Variants in ATP11B observed in about 807,000 individuals in gnomAD.
ATP11B encodes phospholipid-transporting ATPase IF.
A neutral mutation model predicts 157.8 loss-of-function variants in ATP11B; 81 were observed. The ratio of observed to expected loss-of-function variants is 0.51; its 90% CI spans 0.43 to 0.62. The LOEUF is 0.62. ATP11B is among the 20% of genes least tolerant of loss of function. The probability of loss-of-function intolerance (pLI) is 0.00; values close to 1 mark genes in which losing one functional copy is unlikely to be tolerated. For synonymous variants in ATP11B, 451 were observed against 469.4 expected (o/e 0.96, Z 0.51); for missense variants, 1,165 against 1,402.2 (o/e 0.83, Z 2.70).
At chr3:182,916,442 A>G in intron 29 of ATP11B, 1 of 985,330 alleles carries the variant, frequency 1.0e-6, no homozygotes, top group Non-Finnish European at 1.2e-6. Context: ...CAAAAATTTG[A>G]CTTACATTTT....
At chr3:182,848,455 C>T in intron 9 of ATP11B, 21 bp from the exon 10 acceptor site, 1 of 1,379,256 alleles carries the variant, frequency 7.3e-7, no homozygotes, top group East Asian at 2.5e-5. Context: ...TTTTAAGAGA[C>T]AATTTTGTTT....
chr3:182,892,550 T>C (rs2108573139), intron 25 of ATP11B, among the ~76,000 whole-genome samples: 1 of 152,296 alleles, frequency 6.6e-6, no homozygotes, highest in East Asian at 1.9e-4. Flanking sequence ...GTAGAACAAT[T>C]CAGGGAAAGT....
At position 182,867,382 on chromosome 3, in the gene ATP11B, T is replaced by C; in HGVS notation, c.1626T>C (p.Gly542=). Residue 542 remains glycine (G), a synonymous_variant, in exon 15 of 30, where the codon GGT becomes GGC. Transcript: ENST00000323116. ...KALVEAAARI[G]IVFIGNSEET... ...TTATCCTTTTGATGTCTAGGATTGG[T>C]ATTGTGTTTATTGGCAATTCTGAAG... 1.2e-6 allele frequency: 2 copies of C among 1,603,270 alleles called. No individual in the cohort carries two copies. The highest frequency in any genetic ancestry group is 1.7e-6 in the Non-Finnish European group (2 of 1,170,364).
intron 12 of ATP11B, among the ~76,000 whole-genome samples, chr3:182,864,239 G>A (rs1359391367): frequency 6.6e-6 from 1 of 151,992 alleles, no homozygotes; most frequent in African/African-American, 2.4e-5. Context: ...TTCCAATCAT[G>A]TTAACTTTTA....
At chr3:182,804,588 A>G (rs190610485) in intron 1 of ATP11B, among the ~76,000 whole-genome samples, 3 of 152,266 alleles carry the variant, frequency 2.0e-5, no homozygotes, top group Non-Finnish European at 4.4e-5. Context: ...TTACAGTTGC[A>G]TAGTAGTCTG....
chr3:182,873,708 C>A, intron 18 of ATP11B, 104 bp from the exon 19 acceptor site: 2 of 934,496 alleles, frequency 2.1e-6, no homozygotes, highest in African/African-American at 1.7e-5. Flanking sequence ...ATTCCTAGGT[C>A]AAGTCAAAGA....
At chr3:182,883,865 G>T (rs941050948) in intron 21 of ATP11B, among the ~76,000 whole-genome samples, 10 of 146,754 alleles carry the variant, frequency 6.8e-5, no homozygotes, top group Admixed American at 6.2e-4. Context: ...TGAGGCAGGA[G>T]AATGGCGTGA....
In ATP11B at chr3:182,859,469, C is replaced by G. The variant is rs915230703; in HGVS notation, c.1200+110C>G. 7 of 922,984 alleles carry G rather than the reference C, an allele frequency of 7.6e-6. No homozygotes were observed. The African/African-American group carries it at 1.2e-4, about 16-fold the overall frequency. 57.2% of individuals were successfully genotyped at this position (922,984 alleles called of 1,614,324 possible). A position where few individuals can be genotyped will look rare whatever the true frequency, so the allele number is the denominator to read the frequency against. Reference sequence around the variant, plus strand: ...TTATGATGCTTATACCAAAAACAACCCCCCTTTGCTCCACTCCTAGCTGTT... The same window carrying G: ...TTATGATGCTTATACCAAAAACAACGCCCCTTTGCTCCACTCCTAGCTGTT... On this transcript the variant is annotated intron_variant, in intron 12 of 29. Transcript: ENST00000323116.
intron 27 of ATP11B, among the ~76,000 whole-genome samples, 197 bp downstream of exon 27, chr3:182,897,603 T>A (rs1323278514): frequency 6.6e-6 from 1 of 152,036 alleles, no homozygotes; most frequent in African/African-American, 2.4e-5. Context: ...TAGATTTTTT[T>A]TATATAAGAT....
At chr3:182,822,424 G>A (rs965855732) in intron 2 of ATP11B, among the ~76,000 whole-genome samples, 25 of 152,150 alleles carry the variant, frequency 1.6e-4, no homozygotes, top group African/African-American at 5.1e-4. Flanking sequence ...AGCTTCATCC[G>A]TGTCCCTGCA....
At chr3:182,829,973 T>A (rs1294640538) in intron 4 of ATP11B, 1 of 984,008 alleles carries the variant, frequency 1.0e-6, no homozygotes, top group African/African-American at 1.7e-5. Flanking sequence ...TGTAGTTCCC[T>A]TGACAGAGCT....
chr3:182,912,190 A>T (rs1724840938), intron 28 of ATP11B, among the ~76,000 whole-genome samples: 1 of 152,134 alleles, frequency 6.6e-6, no homozygotes, highest in Admixed American at 6.5e-5. Flanking sequence ...AAACTGATGA[A>T]ATCCTGTTAC....
At chr3:182,863,247 A>T (rs1046303770) in intron 12 of ATP11B, among the ~76,000 whole-genome samples, 2 of 152,182 alleles carry the variant, frequency 1.3e-5, no homozygotes, top group African/African-American at 4.8e-5. Context: ...TTAATAATTT[A>T]TGTTAAATAT....
chr3:182,814,496 A>T (rs1716855608), intron 1 of ATP11B, among the ~76,000 whole-genome samples: 1 of 152,196 alleles, frequency 6.6e-6, no homozygotes, highest in Admixed American at 6.5e-5. Context: ...ACATCTAAGC[A>T]CATGCTGCCC....
chr3:182,916,875 G>C (rs771409405), intron 29 of ATP11B: 163 of 982,550 alleles, frequency 1.7e-4, no homozygotes, highest in Non-Finnish European at 1.9e-4. Flanking sequence ...AAAAGTTATA[G>C]TTAAAAGCAT....
intron 1 of ATP11B, among the ~76,000 whole-genome samples, chr3:182,800,496 G>C (rs1339959838): frequency 2.6e-5 from 4 of 152,118 alleles, no homozygotes; most frequent in Non-Finnish European, 5.9e-5. Flanking sequence ...CCAAAGTGCT[G>C]AGATTACAGG....
At chr3:182,869,413 CA>C (rs771879687) in intron 17 of ATP11B, 82 bp downstream of exon 17, 3 of 967,106 alleles carry the variant, frequency 3.1e-6, no homozygotes, top group Non-Finnish European at 4.5e-6. Flanking sequence ...TATAATTTAT[CA>C]AAAATTGTGG....
chr3:182,880,751 A>G (rs765230322), intron 20 of ATP11B, 128 bp from the exon 21 acceptor site: 27 of 459,428 alleles, frequency 5.9e-5, no homozygotes, highest in Non-Finnish European at 9.5e-5. Flanking sequence ...CCTGCATATT[A>G]TTGTCTAATA....
intron 23 of ATP11B, 93 bp from the exon 24 acceptor site, chr3:182,887,493 C>T (rs1722874962): frequency 2.7e-6 from 3 of 1,104,640 alleles, no homozygotes; most frequent in Non-Finnish European, 3.7e-6. Context: ...ATTTTTAAAA[C>T]TTTAATTTTG....
Sources: gnomAD v4.1 joint callset for allele counts (sites outside exome capture counted in the v4.1 genomes callset) on GRCh38, gnomAD v4.1.1 for gene constraint, MANE v1.5 for transcripts, NCBI Gene and HGNC (gene_info 2026-07-23, HGNC 2026-07-21) for gene names.